KREMEN1: variants seen among roughly 807,000 people sequenced by gnomAD.
KREMEN1 encodes the protein kremen protein 1.
In KREMEN1, 30 loss-of-function variants were observed where a neutral mutation model predicts 46.5. That is an observed-to-expected ratio of 0.65 (90% CI 0.48 to 0.88). The LOEUF is 0.88. Ranked by LOEUF, KREMEN1 falls within the 40% of genes least tolerant of loss-of-function variation. The pLI is 0.00. For missense variants in KREMEN1, 533 were observed against 596.9 expected, an observed-to-expected ratio of 0.89 and a Z score of 1.11; for synonymous variants, 214 against 230.6, an observed-to-expected ratio of 0.93 and a Z score of 0.65.
intron 9 of KREMEN1, among the ~76,000 whole-genome samples, chr22:29,166,241 C>T (rs1270791629): frequency 1.3e-4 from 19 of 145,300 alleles, no homozygotes; most frequent in African/African-American, 2.3e-4. Flanking sequence ...TTTTTTTTTT[C>T]CACAAATACT....
In KREMEN1 at chr22:29,144,203, G is replaced by A. The variant is rs957363581; in HGVS notation, c.*2091G>A. On this transcript the variant is annotated 3_prime_UTR_variant, in exon 9 of 9. Transcript: ENST00000400335. ...ACTTTGCCTACCTCCCCCAAGCCCT[G>A]AGCCACTGCCTGCTGGGGCTCCTAC... 1.0e-6 allele frequency: 1 copy of A among 985,586 alleles called. No individual in the cohort carries two copies. Among genetic ancestry groups the A allele is most frequent in the Non-Finnish European group, 1.2e-6 (1 of 830,076 alleles). 61.1% of individuals were successfully genotyped at this position (985,586 alleles called of 1,614,324 possible).
intron 1 of KREMEN1, among the ~76,000 whole-genome samples, chr22:29,090,772 C>T (rs1377224046): frequency 1.3e-5 from 2 of 152,128 alleles, no homozygotes; most frequent in Non-Finnish European, 2.9e-5. Context: ...GTTTCCCTTG[C>T]TTTTCTCTGT....
Position 29,146,409 on chromosome 22 carries a change from G to C in KREMEN1, c.*4297G>C, listed in dbSNP as rs531758079. ...GCTTCCGTCTTGCTGAGTTGGGTAC[G>C]GAGGCAGAAGTGGGGTGTGGAGGAA... is the stretch of plus-strand genomic sequence containing the variant. On this transcript the variant is annotated 3_prime_UTR_variant, in exon 9 of 9. Coordinates refer to ENST00000400335, the MANE Select transcript of KREMEN1 (RefSeq NM_001039570.3). 2 of 985,816 alleles carry C rather than the reference G, an allele frequency of 2.0e-6. No individual in the cohort carries two copies. The highest frequency in any genetic ancestry group is 3.5e-5 in the African/African-American group (2 of 57,346). 61.1% of individuals were successfully genotyped at this position (985,816 alleles called of 1,614,324 possible). A position where few individuals can be genotyped will look rare whatever the true frequency, so the allele number is the denominator to read the frequency against.
At chr22:29,076,767 G>A (rs1370842105) in intron 1 of KREMEN1, among the ~76,000 whole-genome samples, 1 of 152,192 alleles carries the variant, frequency 6.6e-6, no homozygotes, top group Non-Finnish European at 1.5e-5. Flanking sequence ...CAGGAGAATC[G>A]CTGGAACCCA....
At chr22:29,162,439 G>C (rs1205415572) in intron 9 of KREMEN1, among the ~76,000 whole-genome samples, 1 of 152,038 alleles carries the variant, frequency 6.6e-6, no homozygotes, top group Non-Finnish European at 1.5e-5. Flanking sequence ...AATGCCGGCC[G>C]GGCACAGTGG....
chr22:29,149,087 C>T (rs2038895937), downstream of KREMEN1, among the ~76,000 whole-genome samples: 1 of 152,148 alleles, frequency 6.6e-6, no homozygotes, highest in Non-Finnish European at 1.5e-5. Flanking sequence ...TTCACTTCAC[C>T]ACTGTCCCCT....
chr22:29,148,457 T>G (rs150756928), downstream of KREMEN1, among the ~76,000 whole-genome samples: 400 of 151,732 alleles, frequency 2.6e-3, 5 homozygotes, highest in African/African-American at 9.4e-3. Context: ...ATTGTTTTTT[T>G]TGTTTTTTTT....
At chr22:29,098,980 G>T in intron 3 of KREMEN1, 27 bp downstream of exon 3, 1 of 1,525,398 alleles carries the variant, frequency 6.6e-7, no homozygotes, top group South Asian at 1.1e-5. Context: ...CAATGTGATG[G>T]TTTACAGGAC....
rs759743412 is a variant in KREMEN1, at chr22:29,140,291, T to A, written c.1133T>A (p.Val378Asp). The A allele has an allele frequency of 3.7e-6, 6 of 1,613,708 alleles. No homozygotes were observed. In the Admixed American group the frequency reaches 5.0e-5, roughly 13 times the overall value. ...TCTTTTGCACTTGCAGGATGGACAG[T>A]CTATGGTCTGGCAACTCTCCTCATC... is the stretch of plus-strand genomic sequence containing the variant. Reference protein sequence around the residue: ...HPPQTVPGWTVYGLATLLILT... With the variant: ...HPPQTVPGWTDYGLATLLILT... Residue 378 changes from valine (V) to aspartate (D), a missense_variant, in exon 8 of 9, where the codon GTC becomes GAC. Transcript: ENST00000400335.
At chr22:29,114,347 A>G (rs2038199460) in intron 3 of KREMEN1, among the ~76,000 whole-genome samples, 1 of 151,954 alleles carries the variant, frequency 6.6e-6, no homozygotes, top group Non-Finnish European at 1.5e-5. Flanking sequence ...TTAGCTAGGC[A>G]TGGTGGCGGG....
At chr22:29,126,498 T>C (rs878725) in intron 5 of KREMEN1, among the ~76,000 whole-genome samples, 32,654 of 152,050 alleles carry the variant, frequency 0.21, 3,993 homozygotes, top group African/African-American at 0.33. Context: ...CTTCCCTCTG[T>C]GTGTGTCTGT....
At chr22:29,140,466 C>T in intron 8 of KREMEN1, 100 bp downstream of exon 8, 4 of 896,984 alleles carry the variant, frequency 4.5e-6, no homozygotes. Flanking sequence ...AGAATAAGCA[C>T]ATGATTCCAA....
Position 29,137,692 on chromosome 22 carries a change from C to G in KREMEN1, c.964+18C>G. On this transcript the variant is annotated intron_variant, in intron 6 of 8. Transcript: ENST00000400335. Reference sequence around the variant, plus strand: ...ATACCAAGGTAAGACATCTTTGCCTCCTTGGGGGTTCTTCAGGGCCCACGT... The same window carrying G: ...ATACCAAGGTAAGACATCTTTGCCTGCTTGGGGGTTCTTCAGGGCCCACGT... The G allele has an allele frequency of 6.4e-7, 1 of 1,564,386 alleles. No individual in the cohort carries two copies. The highest frequency in any genetic ancestry group is 8.7e-7 in the Non-Finnish European group (1 of 1,143,986).
chr22:29,116,556 G>A (rs2038242597), intron 3 of KREMEN1, among the ~76,000 whole-genome samples: 1 of 152,112 alleles, frequency 6.6e-6, no homozygotes, highest in South Asian at 2.1e-4. Context: ...AAAGCTTAGA[G>A]GTTCCAGCTG....
chr22:29,086,233 T>C (rs134636), intron 1 of KREMEN1, among the ~76,000 whole-genome samples: 112,649 of 151,932 alleles, frequency 0.74, 42,346 homozygotes, highest in African/African-American at 0.86. Context: ...CTGGCTCGAC[T>C]CTCCTAATTT....
At chr22:29,115,298 G>A (rs1361286634) in intron 3 of KREMEN1, among the ~76,000 whole-genome samples, 2 of 152,202 alleles carry the variant, frequency 1.3e-5, no homozygotes, top group East Asian at 3.8e-4. Flanking sequence ...AGGTGGGAAC[G>A]GGGTGAGGGA....
downstream of KREMEN1, among the ~76,000 whole-genome samples, chr22:29,148,505 G>A (rs2145865176): frequency 6.6e-6 from 1 of 151,774 alleles, no homozygotes; most frequent in Admixed American, 6.6e-5. Context: ...CCAGGATGGA[G>A]TATGGTGGTG....
intron 9 of KREMEN1, among the ~76,000 whole-genome samples, chr22:29,157,964 C>T (rs746030025): frequency 6.6e-6 from 1 of 152,158 alleles, no homozygotes; most frequent in Non-Finnish European, 1.5e-5. Context: ...TGTTACAGGT[C>T]ACATGGTCTC....
chr22:29,085,374 A>G (rs1029774074), intron 1 of KREMEN1, among the ~76,000 whole-genome samples: 88 of 152,316 alleles, frequency 5.8e-4, no homozygotes, highest in African/African-American at 2.0e-3. Context: ...AATTTCAGAT[A>G]TGTCACCTCA....
Sources: allele counts gnomAD v4.1 joint callset (sites outside exome capture counted in the v4.1 genomes callset), GRCh38; gene constraint gnomAD v4.1.1; transcripts MANE v1.5; gene names NCBI Gene and HGNC (gene_info 2026-07-23, HGNC 2026-07-21).